Variants in GK5 observed in about 807,000 individuals in gnomAD.
The protein encoded by GK5 is glycerol kinase 5.
Under a neutral mutation model 77.3 loss-of-function variants are expected in GK5, and 39 were observed. That is an observed-to-expected ratio of 0.50 (90% CI 0.39 to 0.66). The LOEUF (loss-of-function observed/expected upper bound fraction) is 0.66. Among genes scored for constraint, GK5 ranks in the 30% least tolerant of loss-of-function variants. GK5 has a pLI of 0.00. For missense variants in GK5, 487 were observed against 633.8 expected (o/e 0.77, Z 2.49); for synonymous variants, 211 against 208.0 (o/e 1.01, Z -0.13).
At chr3:142,219,238 G>C (rs2064312042) in intron 1 of GK5, among the ~76,000 whole-genome samples, 1 of 152,080 alleles carries the variant, frequency 6.6e-6, no homozygotes, top group African/African-American at 2.4e-5. Flanking sequence ...GTTGTACACA[G>C]GACTGGTTCA....
At chr3:142,207,914 G>T (rs1222332977) in intron 3 of GK5, among the ~76,000 whole-genome samples, 2 of 152,158 alleles carry the variant, frequency 1.3e-5, no homozygotes, top group African/African-American at 4.8e-5. Context: ...TAGATCATGA[G>T]CATGTTACTT....
chr3:142,182,890 T>C, intron 10 of GK5, 33 bp downstream of exon 10: 2 of 1,505,340 alleles, frequency 1.3e-6, no homozygotes, highest in South Asian at 2.3e-5. Flanking sequence ...AGTGATATTT[T>C]ATTAATAAAT....
chr3:142,176,639 T>C (rs1438401024), intron 12 of GK5, among the ~76,000 whole-genome samples: 2 of 151,428 alleles, frequency 1.3e-5, no homozygotes, highest in Non-Finnish European at 2.9e-5. Context: ...ACCACAACAA[T>C]TAATGAAAGG....
intron 1 of GK5, among the ~76,000 whole-genome samples, chr3:142,219,774 A>G (rs991526642): frequency 6.6e-6 from 1 of 152,182 alleles, no homozygotes; most frequent in African/African-American, 2.4e-5. Flanking sequence ...CCAGGAGTTC[A>G]AGATCAGCCT....
intron 1 of GK5, among the ~76,000 whole-genome samples, chr3:142,222,827 G>A (rs1266147069): frequency 1.3e-5 from 2 of 152,044 alleles, no homozygotes; most frequent in Admixed American, 6.5e-5. Flanking sequence ...AATCCCAAAC[G>A]TTTCATTACT....
At chr3:142,187,863 A>C (rs767827870) in intron 5 of GK5, 84 bp from the exon 6 acceptor site, 60 of 919,620 alleles carry the variant, frequency 6.5e-5, no homozygotes, top group Non-Finnish European at 1.0e-4. Flanking sequence ...GATACAATAT[A>C]AACCCATTTT....
At chr3:142,176,456 A>G (rs1344174578) in intron 12 of GK5, among the ~76,000 whole-genome samples, 1 of 152,066 alleles carries the variant, frequency 6.6e-6, no homozygotes, top group Non-Finnish European at 1.5e-5. Flanking sequence ...TATATGATAG[A>G]CATATAACTT....
rs2063435779 is a variant in GK5 at position 142,162,867 on chromosome 3, A to G, written c.*2755T>C. 6.6e-6 allele frequency: 1 copy of G among 152,066 alleles called. No homozygotes were observed. Among genetic ancestry groups the G allele is most frequent in the Non-Finnish European group, 1.5e-5 (1 of 68,100 alleles). 9.4% of individuals were successfully genotyped at this position (152,066 alleles called of 1,614,324 possible). On this transcript the variant is annotated 3_prime_UTR_variant, in exon 16 of 16. Coordinates refer to ENST00000392993, the MANE Select transcript of GK5 (RefSeq NM_001039547.3). The stretch of plus-strand genomic sequence containing the variant: ...AAAAATCAGCTGGGCGTAGTGACGT[A>G]TACCTGAAATCCCAGCTACTTGGGA...
intron 5 of GK5, among the ~76,000 whole-genome samples, chr3:142,195,992 C>T (rs1158064757): frequency 1.3e-5 from 2 of 152,136 alleles, no homozygotes; most frequent in Non-Finnish European, 2.9e-5. Flanking sequence ...TTATTTATTA[C>T]TTCAATCTCT....
intron 9 of GK5, among the ~76,000 whole-genome samples, chr3:142,184,388 A>T (rs1454102370): frequency 2.0e-5 from 3 of 151,858 alleles, no homozygotes; most frequent in Non-Finnish European, 2.9e-5. Context: ...ACCCTCACAA[A>T]TTTATTTATT....
intron 12 of GK5, 80 bp downstream of exon 12, chr3:142,177,402 A>C (rs1174477395): frequency 1.3e-6 from 1 of 782,822 alleles, no homozygotes; most frequent in Non-Finnish European, 2.2e-6. Context: ...TTAAGGTAAC[A>C]GAATGGTAGA....
chr3:142,166,267 A>G (rs78000065), intron 15 of GK5, among the ~76,000 whole-genome samples: 3 of 151,560 alleles, frequency 2.0e-5, no homozygotes, highest in Non-Finnish European at 2.9e-5. Flanking sequence ...AAAACAGAAG[A>G]AAAAAAAAGA....
At chr3:142,209,757 ATTC>A (rs2064166951) in intron 3 of GK5, among the ~76,000 whole-genome samples, 1 of 152,176 alleles carries the variant, frequency 6.6e-6, no homozygotes, top group African/African-American at 2.4e-5. Flanking sequence ...TAGGGCTGGT[ATTC>A]TTATTCATCT....
At chr3:142,205,919 C>A (rs111758508) in intron 3 of GK5, among the ~76,000 whole-genome samples, 5 of 152,186 alleles carry the variant, frequency 3.3e-5, no homozygotes, top group African/African-American at 1.2e-4. Flanking sequence ...TCCTTCCTCA[C>A]CCCATCCCTT....
chr3:142,174,156 C>T (rs2063577967), intron 12 of GK5, among the ~76,000 whole-genome samples: 1 of 152,190 alleles, frequency 6.6e-6, no homozygotes, highest in African/African-American at 2.4e-5. Context: ...GATGTACTCC[C>T]AGTGTGTCTC....
rs1312005684 is a variant in GK5, at chr3:142,162,871, C to T, written c.*2751G>A. ...ATCAGCTGGGCGTAGTGACGTATAC[C>T]TGAAATCCCAGCTACTTGGGAGGCT... On this transcript the variant is annotated 3_prime_UTR_variant, in exon 16 of 16. Transcript: ENST00000392993. 6.6e-6 allele frequency: 1 copy of T among 152,012 alleles called. No individual in the cohort carries two copies. The highest frequency in any genetic ancestry group is 1.5e-5 in the Non-Finnish European group (1 of 68,082). 9.4% of individuals were successfully genotyped at this position (152,012 alleles called of 1,614,324 possible).
intron 1 of GK5, among the ~76,000 whole-genome samples, chr3:142,216,132 T>C (rs945503515): frequency 6.6e-6 from 1 of 152,156 alleles, no homozygotes; most frequent in African/African-American, 2.4e-5. Flanking sequence ...AAAAAGTATA[T>C]GGCAGCAGGT....
At position 142,204,680 on chromosome 3, in the gene GK5, CA is replaced by C. The variant is rs1417188766; in HGVS notation, c.411+14del. On this transcript the variant is annotated intron_variant, in intron 4 of 15. Coordinates refer to ENST00000392993, the MANE Select transcript of GK5 (RefSeq NM_001039547.3). ...AAAAACCAACAATATCCAAATCACA[CA>C]AGAAAAAGATTACCTTCATAAGAAG... 3 of 1,332,080 alleles carry C rather than the reference CA, an allele frequency of 2.3e-6. No homozygotes were observed. Among genetic ancestry groups the C allele is most frequent in the Non-Finnish European group, 3.2e-6 (3 of 927,112 alleles). 82.5% of individuals were successfully genotyped at this position (1,332,080 alleles called of 1,614,324 possible).
At chr3:142,194,195 GA>G (rs2063897346) in intron 5 of GK5, among the ~76,000 whole-genome samples, 1 of 152,088 alleles carries the variant, frequency 6.6e-6, no homozygotes, top group Non-Finnish European at 1.5e-5. Context: ...GAGCAGCTAG[GA>G]CAAAATAGTG....
Sources: gnomAD v4.1 joint callset for allele counts (sites outside exome capture counted in the v4.1 genomes callset) on GRCh38, gnomAD v4.1.1 for gene constraint, MANE v1.5 for transcripts, NCBI Gene and HGNC (gene_info 2026-07-23, HGNC 2026-07-21) for gene names.